Variants in CALR3 observed in about 807,000 individuals in gnomAD.
CALR3 encodes the protein calreticulin 3, also known as calreticulin-3.
Under a neutral mutation model 48.7 loss-of-function variants are expected in CALR3, and 39 were observed. The observed-to-expected ratio is 0.80, with a 90% CI of 0.62 to 1.05. The LOEUF (loss-of-function observed/expected upper bound fraction) is 1.05, where lower values mean the gene tolerates loss of function less well. CALR3 is among the 50% of genes least tolerant of loss of function. The pLI, the probability that CALR3 is intolerant of heterozygous loss-of-function variation, is 0.00. For synonymous variants in CALR3, 185 were observed against 172.7 expected (o/e 1.07, Z -0.56); for missense variants, 449 against 474.7 (o/e 0.95, Z 0.50).
rs1286552399 is a variant in CALR3, at chr19:16,483,776, A to G, written c.678+154T>C. The stretch of plus-strand genomic sequence containing the variant: ...TTTTACGATACCTTCAGATGTGTAG[A>G]GATGTGGCTGGTCTGCAGTGTGTGC... On this transcript the variant is annotated intron_variant, in intron 5 of 8. Transcript: ENST00000269881. 7 of 690,910 alleles carry G rather than the reference A, an allele frequency of 1.0e-5. No homozygotes were observed. The East Asian group carries it at 1.9e-4, about 19-fold the overall frequency. The allele number at this position is 690,910 out of a possible 1,614,324, so 42.8% of individuals were successfully genotyped here.
At chr19:16,480,172 A>G (rs2093378333) in intron 8 of CALR3, among the ~76,000 whole-genome samples, 1 of 139,048 alleles carries the variant, frequency 7.2e-6, no homozygotes, top group Admixed American at 7.9e-5. Flanking sequence ...ACTGTACTTC[A>G]GCCTGGCGAC....
At chr19:16,479,766 A>G (rs1385407919) in intron 8 of CALR3, among the ~76,000 whole-genome samples, 2 of 151,766 alleles carry the variant, frequency 1.3e-5, no homozygotes, top group Admixed American at 1.3e-4. Flanking sequence ...TCAAAACAAA[A>G]CAAAACAAAA....
intron 2 of CALR3, among the ~76,000 whole-genome samples, chr19:16,491,127 A>G (rs1381862068): frequency 1.4e-5 from 2 of 142,490 alleles, no homozygotes; most frequent in Non-Finnish European, 3.1e-5. Context: ...TAATTAGTTA[A>G]TTAATTATTT....
At position 16,480,740 on chromosome 19, in the gene CALR3, TTTTATTC is replaced by T; in HGVS notation, c.919-41_919-35del. 1.2e-5 allele frequency: 16 copies of T among 1,339,292 alleles called. No individual in the cohort carries two copies. The Middle Eastern group carries it at 2.9e-3, about 241-fold the overall frequency. 83.0% of individuals were successfully genotyped at this position (1,339,292 alleles called of 1,614,324 possible). A position where few individuals can be genotyped will look rare whatever the true frequency, so the allele number is the denominator to read the frequency against. On this transcript the variant is annotated intron_variant, in intron 7 of 8. Transcript: ENST00000269881. ...GAAAATAAGGCCTTCATTATTATGC[TTTTATTC>T]TTTATTATTTGTTTATTTTTCATTT...
Position 16,479,262 on chromosome 19 carries a change from C to G in CALR3, c.1024G>C (p.Glu342Gln). ...TWGETKGPER[E>Q]MDAIQAKEEM... ...TCCTTGGCCTGTATGGCATCCATCT[C>G]CCTTTCTGGACCCTGGAGAAAGAAA... Residue 342 changes from glutamate (E) to glutamine (Q), a missense_variant, in exon 9 of 9, where the codon GAG becomes CAG. Coordinates refer to ENST00000269881, the MANE Select transcript of CALR3 (RefSeq NM_145046.5). 6.2e-7 allele frequency: 1 copy of G among 1,614,048 alleles called. No homozygotes were observed. Among genetic ancestry groups the G allele is most frequent in the Non-Finnish European group, 8.5e-7 (1 of 1,180,014 alleles).
Position 16,496,054 on chromosome 19 carries a change from C to T in CALR3, c.76G>A (p.Glu26Lys). 5.0e-6 allele frequency: 8 copies of T among 1,600,684 alleles called. No homozygotes were observed. The highest frequency in any genetic ancestry group is 6.8e-6 in the Non-Finnish European group (8 of 1,173,420). ...VALATVYFQE[E>K]FLDGEHWRNR... ...GCCCCTTCACCTCCGTCTAGAAATT[C>T]CTCTTGGAAATAGACGGTAGCCAGC... The change falls in exon 1 of 9, where the codon GAA becomes AAA. Residue 26 changes from glutamate (E) to lysine (K), a missense_variant. Physicochemically the swap from Glu to Lys is moderately conservative, Grantham distance 56. Transcript: ENST00000269881.
rs781640024 is a variant in CALR3 at position 16,490,438 on chromosome 19, T to C, written c.326A>G (p.Tyr109Cys). Residue 109 changes from tyrosine to cysteine, a missense_variant, in exon 3 of 9, where the codon TAC (tyrosine) becomes TGC (cysteine). Transcript: ENST00000269881. Reference sequence around the variant, plus strand: ...AATGTCTGCAGGAAAGACCTTAATGTAGCCCCCTCCACAGTCCATCTTCTG... The same window carrying C: ...AATGTCTGCAGGAAAGACCTTAATGCAGCCCCCTCCACAGTCCATCTTCTG... The part of the protein sequence containing the change: ...HEQKMDCGGG[Y>C]IKVFPADIDQ... The C allele has an allele frequency of 1.2e-6, 2 of 1,614,198 alleles. No homozygotes were observed. The highest frequency in any genetic ancestry group is 2.2e-5 in the East Asian group (1 of 44,888).
intron 3 of CALR3, among the ~76,000 whole-genome samples, chr19:16,489,810 C>G (rs1312553999): frequency 6.7e-6 from 1 of 149,076 alleles, no homozygotes; most frequent in Admixed American, 6.8e-5. Context: ...AGTGAAAACT[C>G]GGGCTCGAAA....
intron 2 of CALR3, among the ~76,000 whole-genome samples, 164 bp from the exon 3 acceptor site, chr19:16,490,734 A>T (rs1295572310): frequency 1.3e-5 from 2 of 150,972 alleles, no homozygotes; most frequent in Non-Finnish European, 2.9e-5. Context: ...TAATGGGTAG[A>T]CCACTAGCAG....
rs1488813763 is a variant in CALR3 at position 16,496,089 on chromosome 19, A to C, written c.41T>G (p.Leu14Arg). Reference protein sequence around the residue: ...ALVQLWAICMLRVALATVYFQ... With the variant: ...ALVQLWAICMRRVALATVYFQ... ...ATAGACGGTAGCCAGCGCCACTCGC[A>C]GCATGCATATGGCCCAGAGCTGGAC... The change falls in exon 1 of 9, where the codon CTG becomes CGG. Residue 14 changes from leucine to arginine, a missense_variant. Physicochemically the swap from Leu to Arg is moderately radical, Grantham distance 102. Coordinates refer to ENST00000269881, the MANE Select transcript of CALR3 (RefSeq NM_145046.5). 1 of 1,607,496 alleles carries C rather than the reference A, an allele frequency of 6.2e-7. No individual in the cohort carries two copies. Among genetic ancestry groups the C allele is most frequent in the African/African-American group, 1.3e-5 (1 of 74,816 alleles).
chr19:16,479,308 G>A (rs370450726), intron 8 of CALR3, 34 bp from the exon 9 acceptor site: 143 of 1,612,568 alleles, frequency 8.9e-5, no homozygotes, highest in Middle Eastern at 4.9e-4. Flanking sequence ...AAGCCCCACC[G>A]GGTGCGATGG....
chr19:16,490,661 A>T, intron 2 of CALR3, 91 bp from the exon 3 acceptor site: 1 of 1,128,858 alleles, frequency 8.9e-7, no homozygotes, highest in Non-Finnish European at 1.3e-6. Flanking sequence ...TTACTCCCAA[A>T]CATAAATGTC....
At chr19:16,482,192 G>C (rs1287086856) in intron 7 of CALR3, among the ~76,000 whole-genome samples, 1 of 151,834 alleles carries the variant, frequency 6.6e-6, no homozygotes, top group Non-Finnish European at 1.5e-5. Flanking sequence ...ACAGGAGTGA[G>C]CCACCGCGCA....
chr19:16,480,557 A>AG, intron 8 of CALR3, 57 bp downstream of exon 8: 1 of 1,356,460 alleles, frequency 7.4e-7, no homozygotes, highest in Non-Finnish European at 1.1e-6. Context: ...ATCTAAAAAA[A>AG]AAAAATTTAC....
Position 16,482,447 on chromosome 19 carries a change from G to A in CALR3, c.918+3C>T. On this transcript the variant is annotated splice_donor_region_variant and intron_variant, in intron 7 of 8. Coordinates refer to ENST00000269881, the MANE Select transcript of CALR3 (RefSeq NM_145046.5). The stretch of plus-strand genomic sequence containing the variant: ...ATCTAAAGTAAAGTTAAAACCAAAT[G>A]ACCTGCCAAAGCTCCAGGCCAATGG... 6.2e-7 allele frequency: 1 copy of A among 1,614,128 alleles called. No homozygotes were observed. The highest frequency in any genetic ancestry group is 8.5e-7 in the Non-Finnish European group (1 of 1,180,030).
intron 3 of CALR3, among the ~76,000 whole-genome samples, chr19:16,487,943 A>G (rs997489869): frequency 6.6e-6 from 1 of 151,990 alleles, no homozygotes; most frequent in African/African-American, 2.4e-5. Context: ...CCTCCCGAGT[A>G]GATGGGACTA....
intron 1 of CALR3, 62 bp downstream of exon 1, chr19:16,495,977 A>G (rs1433921485): frequency 5.7e-6 from 9 of 1,568,314 alleles, no homozygotes; most frequent in Non-Finnish European, 6.9e-6. Context: ...GACTCTGGCC[A>G]GCCTTAGGGG....
chr19:16,490,441 C>G lies in CALR3; in HGVS notation c.323G>C (p.Gly108Ala), dbSNP rs139061471. The G allele has an allele frequency of 8.7e-6, 14 of 1,614,016 alleles. No individual in the cohort carries two copies. In the African/African-American group the frequency reaches 1.7e-4, roughly 20 times the overall value. The change falls in exon 3 of 9, where the codon GGC (glycine) becomes GCC (alanine). Residue 108 changes from glycine to alanine, a missense_variant. By Grantham distance (60) the Gly-to-Ala change is moderately conservative. Coordinates refer to ENST00000269881, the MANE Select transcript of CALR3 (RefSeq NM_145046.5). ...KHEQKMDCGGGYIKVFPADID... is the reference protein window; with the variant it reads ...KHEQKMDCGGAYIKVFPADID... ...GTCTGCAGGAAAGACCTTAATGTAG[C>G]CCCCTCCACAGTCCATCTTCTGCTC... is the stretch of plus-strand genomic sequence containing the variant.
At chr19:16,494,272 G>C (rs2093402296) in intron 2 of CALR3, among the ~76,000 whole-genome samples, 1 of 152,130 alleles carries the variant, frequency 6.6e-6, no homozygotes, top group Admixed American at 6.6e-5. Flanking sequence ...ATGGTGACCA[G>C]GCTGGTCTCA....
Sources: allele counts gnomAD v4.1 joint callset (sites outside exome capture counted in the v4.1 genomes callset), GRCh38; gene constraint gnomAD v4.1.1; transcripts MANE v1.5; gene names NCBI Gene and HGNC (gene_info 2026-07-23, HGNC 2026-07-21).